Variants in MEMO1 observed in about 807,000 individuals in gnomAD.
MEMO1 encodes mediator of cell motility 1, also known as protein MEMO1.
Under a neutral mutation model 45.2 loss-of-function variants are expected in MEMO1, and 6 were observed. The observed-to-expected ratio is 0.13, with a 90% CI of 0.07 to 0.26. The LOEUF is 0.26. Ranked by LOEUF, MEMO1 falls within the 10% of genes least tolerant of loss-of-function variation. The pLI is 1.00. For synonymous variants in MEMO1, 78 were observed against 124.3 expected (o/e 0.63, Z 2.48); for missense variants, 184 against 370.5 (o/e 0.50, Z 4.13).
At chr2:31,909,715 C>T (rs1487931012) in intron 6 of MEMO1, among the ~76,000 whole-genome samples, 7 of 151,770 alleles carry the variant, frequency 4.6e-5, no homozygotes. Flanking sequence ...TAATGAAACC[C>T]CTATCAAAAT....
At chr2:31,968,693 C>T (rs1668918262) in intron 2 of MEMO1, among the ~76,000 whole-genome samples, 1 of 152,134 alleles carries the variant, frequency 6.6e-6, no homozygotes, top group Admixed American at 6.6e-5. Context: ...CCATGCTTTC[C>T]CGAAAATTCC....
At chr2:31,944,794 T>C in intron 2 of MEMO1, among the ~76,000 whole-genome samples, 1 of 152,130 alleles carries the variant, frequency 6.6e-6, no homozygotes, top group South Asian at 2.1e-4. Context: ...TGAAGAGTTG[T>C]CCTCATTTCC....
intron 4 of MEMO1, among the ~76,000 whole-genome samples, chr2:31,930,035 G>C (rs562435752): frequency 6.6e-6 from 1 of 152,202 alleles, no homozygotes; most frequent in African/African-American, 2.4e-5. Context: ...CGAGGTGGGC[G>C]GATCACCCGC....
intron 6 of MEMO1, among the ~76,000 whole-genome samples, chr2:31,894,685 A>T (rs900179066): frequency 4.6e-5 from 7 of 152,196 alleles, no homozygotes; most frequent in African/African-American, 1.7e-4. Context: ...TGAGAGACCT[A>T]GCTCTCCACA....
intron 9 of MEMO1, 28 bp from the exon 10 acceptor site, chr2:31,868,520 C>T (rs753954794): frequency 3.2e-6 from 5 of 1,562,406 alleles, no homozygotes; most frequent in Non-Finnish European, 4.3e-6. Context: ...TTGGTTAGGA[C>T]ACACATCACA....
chr2:31,887,679 G>A (rs1049906274), intron 7 of MEMO1, among the ~76,000 whole-genome samples: 10 of 152,128 alleles, frequency 6.6e-5, no homozygotes, highest in African/African-American at 2.4e-4. Flanking sequence ...AAGTGCTAAT[G>A]TATAAGTATT....
At chr2:32,010,074 C>G (rs1674660865) in intron 2 of MEMO1, 113 bp downstream of exon 2, 1 of 393,506 alleles carries the variant, frequency 2.5e-6, no homozygotes, top group East Asian at 1.6e-4. Context: ...GCGGCCCGTC[C>G]GCGCCCTCTT....
chr2:31,885,784 C>G (rs529345321), intron 7 of MEMO1, among the ~76,000 whole-genome samples: 1 of 152,286 alleles, frequency 6.6e-6, no homozygotes, highest in East Asian at 1.9e-4. Flanking sequence ...ACATAATCTA[C>G]TGCTACTCCC....
intron 3 of MEMO1, among the ~76,000 whole-genome samples, chr2:31,937,217 A>G (rs1482513432): frequency 6.6e-6 from 1 of 152,228 alleles, no homozygotes; most frequent in Admixed American, 6.5e-5. Context: ...TGTGCCCAAA[A>G]AAGTCCAAGT....
intron 2 of MEMO1, among the ~76,000 whole-genome samples, chr2:31,984,669 G>A (rs1382075584): frequency 6.6e-6 from 1 of 152,230 alleles, no homozygotes; most frequent in Non-Finnish European, 1.5e-5. Context: ...AGCGAGGCGT[G>A]GTGGCGGGCA....
intron 2 of MEMO1, among the ~76,000 whole-genome samples, chr2:31,957,693 A>G (rs747059144): frequency 2.0e-5 from 3 of 152,360 alleles, no homozygotes; most frequent in South Asian, 4.1e-4. Flanking sequence ...GAAACACCTT[A>G]TTAATATCTT....
intron 2 of MEMO1, among the ~76,000 whole-genome samples, chr2:31,950,835 A>C (rs1286806390): frequency 6.6e-6 from 1 of 152,246 alleles, no homozygotes; most frequent in Non-Finnish European, 1.5e-5. Flanking sequence ...TACAAAAGCA[A>C]AATAAATAAG....
intron 2 of MEMO1, among the ~76,000 whole-genome samples, chr2:31,953,057 T>C (rs1006086357): frequency 4.6e-5 from 7 of 152,202 alleles, no homozygotes; most frequent in Admixed American, 1.3e-4. Context: ...TCTATACTTA[T>C]AAAGCTTTTT....
At chr2:31,965,605 T>A (rs1173993170) in intron 2 of MEMO1, among the ~76,000 whole-genome samples, 1 of 152,104 alleles carries the variant, frequency 6.6e-6, no homozygotes, top group Admixed American at 6.6e-5. Context: ...ACAAAACTCT[T>A]TTAAGTTTCA....
intron 3 of MEMO1, among the ~76,000 whole-genome samples, chr2:31,938,683 C>T (rs1665230264): frequency 6.6e-6 from 1 of 151,430 alleles, no homozygotes; most frequent in African/African-American, 2.4e-5. Flanking sequence ...CTAAGAAAAG[C>T]AAGTACTAGA....
intron 6 of MEMO1, among the ~76,000 whole-genome samples, chr2:31,907,577 T>C (rs573390536): frequency 8.5e-5 from 13 of 152,212 alleles, no homozygotes; most frequent in African/African-American, 2.9e-4. Flanking sequence ...GGCAGATCAC[T>C]TGAGCCCAGG....
chr2:31,945,646 C>G (rs981714508), intron 2 of MEMO1, among the ~76,000 whole-genome samples: 1 of 152,180 alleles, frequency 6.6e-6, no homozygotes, highest in Middle Eastern at 3.2e-3. Context: ...TTCTCAAGAA[C>G]CTTATAACCA....
chr2:31,962,960 A>G (rs376628961), intron 2 of MEMO1, among the ~76,000 whole-genome samples: 1 of 152,224 alleles, frequency 6.6e-6, no homozygotes. Context: ...AGGCCTGCCT[A>G]AAACAAAAAG....
At chr2:31,889,433 A>G (rs1676629131) in intron 7 of MEMO1, among the ~76,000 whole-genome samples, 1 of 152,072 alleles carries the variant, frequency 6.6e-6, no homozygotes, top group Non-Finnish European at 1.5e-5. Flanking sequence ...AAAAAGAAAG[A>G]AAAACCATTA....
Sources: gnomAD v4.1 joint callset for allele counts (sites outside exome capture counted in the v4.1 genomes callset) on GRCh38, gnomAD v4.1.1 for gene constraint, MANE v1.5 for transcripts, NCBI Gene and HGNC (gene_info 2026-07-23, HGNC 2026-07-21) for gene names.